The following ZNF780A variants were observed in gnomAD, a reference collection of about 807,000 sequenced individuals.
The protein encoded by ZNF780A is zinc finger protein 780A.
A neutral mutation model predicts 56.7 loss-of-function variants in ZNF780A; 40 were observed. That is an observed-to-expected ratio of 0.71 (90% confidence interval 0.55 to 0.92). The LOEUF (loss-of-function observed/expected upper bound fraction) is 0.92. Among genes scored for constraint, ZNF780A ranks in the 40% least tolerant of loss-of-function variants. The pLI, the probability that ZNF780A is intolerant of heterozygous loss-of-function variation, is 0.00. For synonymous variants in ZNF780A, 231 were observed against 248.3 expected, an observed-to-expected ratio of 0.93 and a Z score of 0.66; for missense variants, 672 against 783.3, an observed-to-expected ratio of 0.86 and a Z score of 1.70.
Position 40,085,189 on chromosome 19 carries a change from T to C in ZNF780A, c.-45-391A>G, listed in dbSNP as rs976811381. The C allele has an allele frequency of 5.7e-5, 56 of 985,470 alleles. 1 individual carries two copies. The highest frequency in any genetic ancestry group is 1.1e-4 in the East Asian group (1 of 8,816). 61.0% of individuals were successfully genotyped at this position (985,470 alleles called of 1,614,324 possible). A position where few individuals can be genotyped will look rare whatever the true frequency, so the allele number is the denominator to read the frequency against. ...CCCACCTTTCAGAGCTGAGAAGGGA[T>C]TGCATCATCCAAACCAGAACCTCTT... On this transcript the variant is annotated intron_variant, in intron 2 of 5. Transcript: ENST00000683561.
At chr19:40,081,956 G>C (rs974806956) in intron 4 of ZNF780A, 42 bp from the exon 5 acceptor site, 1 of 1,456,200 alleles carries the variant, frequency 6.9e-7, no homozygotes, top group Non-Finnish European at 9.4e-7. Flanking sequence ...TTTTAATACA[G>C]ATTTTTTTTT....
chr19:40,079,484 A>G (rs1359410039), intron 5 of ZNF780A, among the ~76,000 whole-genome samples: 6 of 152,192 alleles, frequency 3.9e-5, no homozygotes, highest in Non-Finnish European at 8.8e-5. Context: ...CACATTAGAC[A>G]AAACAGGCCT....
chr19:40,072,886 A>G, downstream of ZNF780A: 1 of 1,549,682 alleles, frequency 6.5e-7, no homozygotes, highest in South Asian at 1.2e-5. Context: ...CAATACACTA[A>G]AGAGAGATAA....
chr19:40,085,373 T>C (rs7258778), intron 2 of ZNF780A: 44,294 of 979,874 alleles, frequency 0.045, 2,176 homozygotes, highest in African/African-American at 0.21. Context: ...CTTAATAGAA[T>C]ACAAAGTAAA....
intron 5 of ZNF780A, among the ~76,000 whole-genome samples, chr19:40,081,532 T>TAA (rs879347603): frequency 2.3e-5 from 3 of 129,446 alleles, no homozygotes; most frequent in African/African-American, 5.7e-5. Flanking sequence ...GATTCCACCT[T>TAA]AAAAAAAAAA....
intron 5 of ZNF780A, among the ~76,000 whole-genome samples, chr19:40,079,252 C>T (rs776310577): frequency 3.3e-5 from 5 of 152,088 alleles, no homozygotes; most frequent in Non-Finnish European, 5.9e-5. Flanking sequence ...AAGAAGATCA[C>T]TGTATAATGA....
chr19:40,075,394 G>C lies in ZNF780A; in HGVS notation c.1048C>G (p.Arg350Gly), dbSNP rs150137856. Residue 350 changes from arginine (R) to glycine (G), a missense_variant, in exon 6 of 6, where the codon CGA (arginine) becomes GGA (glycine). Arg to Gly is a moderately radical substitution (Grantham distance 125, BLOSUM62 -2). Coordinates refer to ENST00000683561, the MANE Select transcript of ZNF780A (RefSeq NM_001142578.2). The stretch of plus-strand genomic sequence containing the variant: ...TCACCAGTATGAATCTTCTGATGTC[G>C]AACAAGCTTTGTCAGAAGAGTAAAC... ...KAFTLLTKLV[R>G]HQKIHTGEKP... The C allele has an allele frequency of 1.2e-6, 2 of 1,614,058 alleles. No homozygotes were observed. Among genetic ancestry groups the C allele is most frequent in the East Asian group, 4.5e-5 (2 of 44,858 alleles).
intron 2 of ZNF780A, among the ~76,000 whole-genome samples, chr19:40,087,672 A>G (rs1311042819): frequency 6.6e-6 from 1 of 152,198 alleles, no homozygotes; most frequent in East Asian, 1.9e-4. Flanking sequence ...TAAAATTTGT[A>G]TAGAACCACA....
In ZNF780A at chr19:40,074,674, A is replaced by G. The variant is rs542651264; in HGVS notation, c.1768T>C (p.Cys590Arg). ...ATATGAAGTCGAAAGGCTTTCCCACACTCCTTACATTCAAAGGGTTTCTCA... is the reference window on the plus strand; with the variant it reads ...ATATGAAGTCGAAAGGCTTTCCCACGCTCCTTACATTCAAAGGGTTTCTCA... ...TGEKPFECKE[C>R]GKAFRLHMQL... Residue 590 changes from cysteine to arginine, a missense_variant, in exon 6 of 6, where the codon TGT becomes CGT. By Grantham distance (180) the Cys-to-Arg change is radical. Transcript: ENST00000683561. The G allele has an allele frequency of 3.4e-5, 55 of 1,613,656 alleles. 1 individual carries two copies. The South Asian group carries it at 5.6e-4, about 16-fold the overall frequency.
intron 2 of ZNF780A, among the ~76,000 whole-genome samples, chr19:40,087,248 C>G (rs918082696): frequency 5.3e-5 from 8 of 152,104 alleles, no homozygotes; most frequent in African/African-American, 1.9e-4. Context: ...GTTTTTCACC[C>G]TAGGCACTAC....
At chr19:40,077,757 T>G (rs1238135504) in intron 5 of ZNF780A, among the ~76,000 whole-genome samples, 1 of 151,680 alleles carries the variant, frequency 6.6e-6, no homozygotes, top group Admixed American at 6.6e-5. Context: ...ACAACACTAC[T>G]GCACACGCCC....
chr19:40,087,655 A>G (rs1599856360), intron 2 of ZNF780A, among the ~76,000 whole-genome samples: 1 of 152,274 alleles, frequency 6.6e-6, no homozygotes, highest in East Asian at 1.9e-4. Flanking sequence ...GAAAAAAACA[A>G]AAATGCTAAA....
chr19:40,074,083 C>A lies in ZNF780A; in HGVS notation c.*433G>T. 1.6e-6 allele frequency: 2 copies of A among 1,270,736 alleles called. No homozygotes were observed. Among genetic ancestry groups the A allele is most frequent in the Non-Finnish European group, 2.0e-6 (2 of 989,174 alleles). The allele number at this position is 1,270,736 out of a possible 1,614,324, so 78.7% of individuals were successfully genotyped here. A position where few individuals can be genotyped will look rare whatever the true frequency, so the allele number is the denominator to read the frequency against. On this transcript the variant is annotated 3_prime_UTR_variant, in exon 6 of 6. Coordinates refer to ENST00000683561, the MANE Select transcript of ZNF780A (RefSeq NM_001142578.2). Reference sequence around the variant, plus strand: ...ACCAAACTAAATCTGAAAGTTTTCCCACACTCCTTACATTCATAGAGTTTC... The same window carrying A: ...ACCAAACTAAATCTGAAAGTTTTCCAACACTCCTTACATTCATAGAGTTTC...
chr19:40,088,871 G>A (rs1342299518), intron 2 of ZNF780A, among the ~76,000 whole-genome samples: 2 of 152,296 alleles, frequency 1.3e-5, no homozygotes, highest in South Asian at 2.1e-4. Flanking sequence ...AAACATGGAT[G>A]AACCTGGAGA....
In ZNF780A at chr19:40,073,109, A is replaced by C. The variant is rs1020968506; in HGVS notation, c.*1407T>G. The stretch of plus-strand genomic sequence containing the variant: ...ACACACGTTGATTAAATAAAGGGTA[A>C]AGTGTCATGATGTCTAAAACTTATT... On this transcript the variant is annotated 3_prime_UTR_variant, in exon 6 of 6. Coordinates refer to ENST00000683561, the MANE Select transcript of ZNF780A (RefSeq NM_001142578.2). The C allele has an allele frequency of 1.5e-6, 2 of 1,309,210 alleles. No individual in the cohort carries two copies. Among genetic ancestry groups the C allele is most frequent in the African/African-American group, 3.1e-5 (2 of 64,724 alleles). 81.1% of individuals were successfully genotyped at this position (1,309,210 alleles called of 1,614,324 possible).
At position 40,084,186 on chromosome 19, in the gene ZNF780A, C is replaced by A. The variant is rs569264245; in HGVS notation, c.9+559G>T. Among the ~76,000 whole-genome samples the A allele has an allele frequency of 2.0e-5, 3 of 152,104 alleles. No homozygotes were observed. In the East Asian group the frequency reaches 5.8e-4, roughly 29 times the overall value. On this transcript the variant is annotated intron_variant, in intron 3 of 5. Coordinates refer to ENST00000683561, the MANE Select transcript of ZNF780A (RefSeq NM_001142578.2). The stretch of plus-strand genomic sequence containing the variant: ...GGCCTCCCAAAGTGCTGGGATTGCA[C>A]GCGTGAGCCACCATGTCCAGCCAGA...
Position 40,074,836 on chromosome 19 carries a change from T to A in ZNF780A, c.1606A>T (p.Lys536Ter). The A allele has an allele frequency of 6.2e-7, 1 of 1,614,244 alleles. No individual in the cohort carries two copies. Among genetic ancestry groups the A allele is most frequent in the Non-Finnish European group, 8.5e-7 (1 of 1,180,040 alleles). Residue 536 changes from lysine to a stop codon, truncating the protein, a stop_gained, in exon 6 of 6, where the codon AAA becomes TAA. Coordinates refer to ENST00000683561, the MANE Select transcript of ZNF780A (RefSeq NM_001142578.2). LOFTEE classifies it high-confidence loss of function. ...AGATTTGAACCACGACGAAAGAATT[T>A]CCCACATTCCTTACATTCAAATGGT... ...EKPFECKECG[K>*]FFRRGSNLNQ...
At chr19:40,089,312 TA>T (rs1568460683) in intron 2 of ZNF780A, 1 of 1,358,320 alleles carries the variant, frequency 7.4e-7, no homozygotes. Flanking sequence ...TCTGTCGATT[TA>T]AAAAGAAAGA....
intron 5 of ZNF780A, among the ~76,000 whole-genome samples, chr19:40,080,358 T>A (rs1974406358): frequency 6.6e-6 from 1 of 152,200 alleles, no homozygotes; most frequent in African/African-American, 2.4e-5. Context: ...AAAATAGTTC[T>A]AGCCTAAAGT....
Sources: allele counts gnomAD v4.1 joint callset (sites outside exome capture counted in the v4.1 genomes callset), GRCh38; gene constraint gnomAD v4.1.1; transcripts MANE v1.5; gene names NCBI Gene and HGNC (gene_info 2026-07-23, HGNC 2026-07-21).